The following CA10 variants were observed in gnomAD, a reference collection of about 807,000 sequenced individuals.
The protein encoded by CA10 is carbonic anhydrase-related protein 10.
In CA10, 14 loss-of-function variants were observed where a neutral mutation model predicts 44.2. That is an observed-to-expected ratio of 0.32 (90% CI 0.21 to 0.50). The LOEUF (loss-of-function observed/expected upper bound fraction) is 0.50. Among genes scored for constraint, CA10 ranks in the 20% least tolerant of loss-of-function variants. CA10 has a pLI of 0.99. For missense variants in CA10, 350 were observed against 409.7 expected, an observed-to-expected ratio of 0.85 and a Z score of 1.26; for synonymous variants, 159 against 141.6, an observed-to-expected ratio of 1.12 and a Z score of -0.87.
At chr17:52,078,433 A>G (rs559119558) in intron 1 of CA10, among the ~76,000 whole-genome samples, 1 of 152,352 alleles carries the variant, frequency 6.6e-6, no homozygotes, top group East Asian at 1.9e-4. Context: ...ACCTGTGCCA[A>G]GTGGTCTACA....
At chr17:51,757,919 C>T (rs1205290179) in intron 3 of CA10, among the ~76,000 whole-genome samples, 9 of 151,744 alleles carry the variant, frequency 5.9e-5, no homozygotes, top group Admixed American at 4.6e-4. Flanking sequence ...ATTTGGAGCT[C>T]GTAGGCTGGG....
chr17:51,684,902 T>C (rs1213235022), intron 4 of CA10, among the ~76,000 whole-genome samples: 2 of 152,202 alleles, frequency 1.3e-5, no homozygotes, highest in Non-Finnish European at 2.9e-5. Context: ...GAGAAAGAGA[T>C]ACCTAGATGC....
intron 1 of CA10, among the ~76,000 whole-genome samples, chr17:52,151,290 C>T (rs977339534): frequency 3.9e-5 from 6 of 152,172 alleles, no homozygotes; most frequent in East Asian, 1.9e-4. Flanking sequence ...ATCCACCATA[C>T]TTTGATATTT....
intron 1 of CA10, 58 bp downstream of exon 1, chr17:52,157,668 A>G: frequency 1.3e-6 from 2 of 1,500,034 alleles, no homozygotes; most frequent in Non-Finnish European, 1.9e-6. Flanking sequence ...AAAACCCCAT[A>G]CACCCCAGAC....
At chr17:51,681,121 T>G (rs1055301913) in intron 4 of CA10, among the ~76,000 whole-genome samples, 8 of 152,226 alleles carry the variant, frequency 5.3e-5, no homozygotes. Context: ...CAGAAAGAGC[T>G]GGGTATGATT....
chr17:52,088,666 G>A (rs1988181969), intron 1 of CA10, among the ~76,000 whole-genome samples: 2 of 152,024 alleles, frequency 1.3e-5, no homozygotes, highest in Non-Finnish European at 2.9e-5. Context: ...AGGAACAAAG[G>A]AAAATGCACT....
chr17:51,669,136 C>T (rs1456060531), intron 4 of CA10, among the ~76,000 whole-genome samples: 8 of 152,230 alleles, frequency 5.3e-5, no homozygotes, highest in Admixed American at 1.3e-4. Context: ...AGTGCAGGCG[C>T]GGGACCAGAT....
intron 3 of CA10, among the ~76,000 whole-genome samples, chr17:51,788,039 C>A (rs952629022): frequency 2.6e-5 from 4 of 151,986 alleles, no homozygotes; most frequent in African/African-American, 9.7e-5. Context: ...CTTTAAGATA[C>A]ATGGTTAGGT....
intron 2 of CA10, among the ~76,000 whole-genome samples, chr17:51,987,187 T>C (rs1049560556): frequency 6.6e-6 from 1 of 152,040 alleles, no homozygotes; most frequent in African/African-American, 2.4e-5. Flanking sequence ...GATGGAATAC[T>C]ACTTAGCCAT....
At chr17:51,999,558 G>C (rs892342498) in intron 2 of CA10, among the ~76,000 whole-genome samples, 3 of 151,992 alleles carry the variant, frequency 2.0e-5, no homozygotes, top group African/African-American at 7.2e-5. Context: ...AGTTGTGAGT[G>C]TGGGGCAGTG....
intron 2 of CA10, among the ~76,000 whole-genome samples, chr17:51,964,473 T>C (rs982207581): frequency 1.3e-5 from 2 of 151,914 alleles, no homozygotes; most frequent in African/African-American, 4.8e-5. Flanking sequence ...CAACTGCACA[T>C]GGAACATACA....
At chr17:52,153,219 G>A (rs1485729206) in intron 1 of CA10, among the ~76,000 whole-genome samples, 2 of 152,036 alleles carry the variant, frequency 1.3e-5, no homozygotes, top group Non-Finnish European at 2.9e-5. Context: ...CTATGATGAT[G>A]GTTATCTGTC....
intron 4 of CA10, among the ~76,000 whole-genome samples, chr17:51,697,030 G>A (rs903493045): frequency 9.9e-5 from 15 of 151,082 alleles, no homozygotes; most frequent in African/African-American, 3.7e-4. Context: ...TTTAATTTAT[G>A]TACACAGGTA....
intron 1 of CA10, among the ~76,000 whole-genome samples, chr17:52,100,423 C>T (rs1024356396): frequency 7.0e-6 from 1 of 142,756 alleles, no homozygotes; most frequent in African/African-American, 2.4e-5. Flanking sequence ...AACCCATTCT[C>T]AAGGGCAACA....
intron 1 of CA10, among the ~76,000 whole-genome samples, chr17:52,140,522 CTT>C (rs1989455696): frequency 6.6e-6 from 1 of 152,176 alleles, no homozygotes; most frequent in South Asian, 2.1e-4. Flanking sequence ...ATTATTTCCT[CTT>C]TTGATTTTTT....
intron 4 of CA10, among the ~76,000 whole-genome samples, chr17:51,707,663 G>A (rs1031670499): frequency 1.4e-5 from 2 of 141,018 alleles, no homozygotes; most frequent in Non-Finnish European, 3.0e-5. Flanking sequence ...GAAGGAAAGT[G>A]GATGAATATG....
At chr17:51,783,248 C>T (rs1906129259) in intron 3 of CA10, among the ~76,000 whole-genome samples, 1 of 152,082 alleles carries the variant, frequency 6.6e-6, no homozygotes, top group Non-Finnish European at 1.5e-5. Flanking sequence ...TATTGAATGG[C>T]CCATTAGAGA....
chr17:51,738,140 A>G (rs1916973772), intron 4 of CA10, among the ~76,000 whole-genome samples: 1 of 152,228 alleles, frequency 6.6e-6, no homozygotes, highest in African/African-American at 2.4e-5. Flanking sequence ...TACAGTAATT[A>G]GTTCATATTT....
chr17:52,113,669 A>G (rs1988832992), intron 1 of CA10, among the ~76,000 whole-genome samples: 1 of 152,250 alleles, frequency 6.6e-6, no homozygotes, highest in Non-Finnish European at 1.5e-5. Context: ...AATCCACATG[A>G]TGTAAATTTG....
Sources: gnomAD v4.1 joint callset for allele counts (sites outside exome capture counted in the v4.1 genomes callset) on GRCh38, gnomAD v4.1.1 for gene constraint, MANE v1.5 for transcripts, NCBI Gene and HGNC (gene_info 2026-07-23, HGNC 2026-07-21) for gene names.